The following ZFAND4 variants were observed in gnomAD, a reference collection of about 807,000 sequenced individuals.
The protein encoded by ZFAND4 is zinc finger AN1-type containing 4, also known as AN1-type zinc finger protein 4.
Under a neutral mutation model 64.4 loss-of-function variants are expected in ZFAND4, and 43 were observed. The observed-to-expected ratio is 0.67, with a 90% confidence interval of 0.52 to 0.86. The LOEUF is 0.86. ZFAND4 is among the 40% of genes least tolerant of loss of function. ZFAND4 has a pLI of 0.00. For missense variants in ZFAND4, 929 were observed against 859.8 expected (o/e 1.08, Z -1.01); for synonymous variants, 296 against 305.7 (o/e 0.97, Z 0.33).
intron 1 of ZFAND4, among the ~76,000 whole-genome samples, chr10:45,668,799 C>A (rs563834817): frequency 6.6e-6 from 1 of 152,322 alleles, no homozygotes; most frequent in South Asian, 2.1e-4. Flanking sequence ...TGAATGACTA[C>A]TGGGTAAATA....
intron 1 of ZFAND4, among the ~76,000 whole-genome samples, chr10:45,668,272 T>C (rs1272763851): frequency 2.0e-5 from 3 of 152,208 alleles, no homozygotes; most frequent in South Asian, 4.1e-4. Flanking sequence ...ATATTGGCCT[T>C]AGCCAAACTA....
intron 5 of ZFAND4, among the ~76,000 whole-genome samples, chr10:45,645,551 GTGGACTTCATAATGTTTCATAA>G: frequency 6.6e-6 from 1 of 152,176 alleles, no homozygotes; most frequent in East Asian, 1.9e-4. Flanking sequence ...AATTTTTACT[GTGGACTTCATAATGTTTCATAA>G]TGAATTTAAC....
At chr10:45,617,020 G>A (rs1437032081) in intron 9 of ZFAND4, among the ~76,000 whole-genome samples, 2 of 151,710 alleles carry the variant, frequency 1.3e-5, no homozygotes, top group African/African-American at 2.4e-5. Flanking sequence ...GGAGGTTGCA[G>A]TGAGCCAAGA....
At chr10:45,669,555 A>AT (rs1280720009) in intron 1 of ZFAND4, among the ~76,000 whole-genome samples, 2 of 152,238 alleles carry the variant, frequency 1.3e-5, no homozygotes, top group Admixed American at 1.3e-4. Context: ...CCTGATACCA[A>AT]AGCCTGGCAG....
At chr10:45,645,574 T>C (rs2047324205) in intron 5 of ZFAND4, among the ~76,000 whole-genome samples, 1 of 152,224 alleles carries the variant, frequency 6.6e-6, no homozygotes, top group African/African-American at 2.4e-5. Context: ...TGTTTCATAA[T>C]GAATTTAACC....
chr10:45,644,449 C>A (rs969231277), intron 5 of ZFAND4, among the ~76,000 whole-genome samples: 2 of 152,130 alleles, frequency 1.3e-5, no homozygotes, highest in Non-Finnish European at 2.9e-5. Context: ...TAGAATATCT[C>A]ATCACAGCAG....
At chr10:45,635,220 A>AAAAAAAAAAAAAAAAAAAAAAAAAC (rs2046504798) in intron 6 of ZFAND4, among the ~76,000 whole-genome samples, 1 of 138,744 alleles carries the variant, frequency 7.2e-6, no homozygotes, top group Non-Finnish European at 1.6e-5. Context: ...AAAACAAAAA[A>AAAAAAAAAAAAAAAAAAAAAAAAAC]AAAACAAACA....
At chr10:45,655,121 A>T (rs1589402200) in intron 2 of ZFAND4, among the ~76,000 whole-genome samples, 1 of 152,164 alleles carries the variant, frequency 6.6e-6, no homozygotes, top group Non-Finnish European at 1.5e-5. Flanking sequence ...AGTCTCAAAA[A>T]TTTTTAAAAA....
chr10:45,651,752 T>C (rs1255719999), intron 4 of ZFAND4: 5 of 612,704 alleles, frequency 8.2e-6, no homozygotes, highest in Non-Finnish European at 1.5e-5. Flanking sequence ...CCTCTCTGAA[T>C]TGGATCAGGA....
At chr10:45,670,933 A>T (rs544549275) in intron 1 of ZFAND4, among the ~76,000 whole-genome samples, 3 of 152,320 alleles carry the variant, frequency 2.0e-5, no homozygotes, top group South Asian at 4.1e-4. Flanking sequence ...CAATCTACCC[A>T]TCTGACAGAG....
Position 45,619,163 on chromosome 10 carries a change from C to T in ZFAND4, c.1928-903G>A, listed in dbSNP as rs148690182. 3.8e-3 allele frequency among the ~76,000 whole-genome samples: 571 copies of T among 151,928 alleles called. 13 individuals carry two copies. In the East Asian group the frequency reaches 0.051, roughly 14 times the overall value. On this transcript the variant is annotated intron_variant, in intron 8 of 9. Coordinates refer to ENST00000344646, the MANE Select transcript of ZFAND4 (RefSeq NM_174890.4). ...AAGTGGTTCTTCTGCCTCAGCCTCC[C>T]GAGTAGCTGGGACTATGGGCACGCA...
At chr10:45,658,527 T>C (rs1216019506) in intron 2 of ZFAND4, among the ~76,000 whole-genome samples, 2 of 152,208 alleles carry the variant, frequency 1.3e-5, no homozygotes, top group Non-Finnish European at 2.9e-5. Context: ...GTAAATTATA[T>C]CTTCCTAAAA....
In ZFAND4 at chr10:45,644,679, G is replaced by C. The variant is rs576801475; in HGVS notation, c.569+3615C>G. On this transcript the variant is annotated intron_variant, in intron 5 of 9. Coordinates refer to ENST00000344646, the MANE Select transcript of ZFAND4 (RefSeq NM_174890.4). ...TCTCAAAAAGTTGATAGAATTGGAA[G>C]TAATGTCAACAGCTGATTTAAAAAG... 3.9e-5 allele frequency among the ~76,000 whole-genome samples: 6 copies of C among 152,286 alleles called. No homozygotes were observed. In the South Asian group the frequency reaches 1.2e-3, roughly 32 times the overall value.
At chr10:45,657,950 C>CA (rs1306894256) in intron 2 of ZFAND4, among the ~76,000 whole-genome samples, 1 of 152,132 alleles carries the variant, frequency 6.6e-6, no homozygotes, top group African/African-American at 2.4e-5. Context: ...GGATTGACCA[C>CA]AAAAGGTACA....
chr10:45,627,250 T>C, intron 6 of ZFAND4, 145 bp from the exon 7 acceptor site: 2 of 612,286 alleles, frequency 3.3e-6, no homozygotes, highest in South Asian at 3.8e-5. Flanking sequence ...GAATAAAATC[T>C]TAAGATTATG....
rs183672179 is a variant in ZFAND4, at chr10:45,657,588, T to C, written c.185-4529A>G. ...GCAATTCAGCAATTCCACTCTTAAGTATTTACCCAAGTGAAATAAAAACCT... is the reference window on the plus strand; with the variant it reads ...GCAATTCAGCAATTCCACTCTTAAGCATTTACCCAAGTGAAATAAAAACCT... On this transcript the variant is annotated intron_variant, in intron 2 of 9. Transcript: ENST00000344646. Among the ~76,000 whole-genome samples, 12 of 152,304 alleles carry C rather than the reference T, an allele frequency of 7.9e-5. 1 individual carries two copies. Among genetic ancestry groups the C allele is most frequent in the Admixed American group, 5.9e-4 (9 of 15,302 alleles).
chr10:45,663,916 T>TGGCCCATATCAATCTTCCAGAC (rs2048636411), intron 1 of ZFAND4, 74 bp from the exon 2 acceptor site: 1 of 468,344 alleles, frequency 2.1e-6, no homozygotes, highest in Admixed American at 4.3e-5. Context: ...CCGTTAACTG[T>TGGCCCATATCAATCTTCCAGAC]GGCCCATATC....
rs192428165 is a variant in ZFAND4, at chr10:45,630,989, G to T, written c.718-3884C>A. Reference sequence around the variant, plus strand: ...AAAAAAAAAAAAAGAAAGAAAGAAAGAAAAGACCACGACGATGTTCTAACT... The same window carrying T: ...AAAAAAAAAAAAAGAAAGAAAGAAATAAAAGACCACGACGATGTTCTAACT... On this transcript the variant is annotated intron_variant, in intron 6 of 9. Transcript: ENST00000344646. 2.0e-3 allele frequency among the ~76,000 whole-genome samples: 299 copies of T among 146,224 alleles called. 4 individuals are homozygous for T. Among genetic ancestry groups the T allele is most frequent in the Non-Finnish European group, 9.2e-4 (61 of 66,238 alleles).
intron 1 of ZFAND4, among the ~76,000 whole-genome samples, chr10:45,667,324 C>T (rs1018085257): frequency 6.6e-6 from 1 of 152,064 alleles, no homozygotes; most frequent in Non-Finnish European, 1.5e-5. Context: ...TGCAACTGTG[C>T]TGAACTGTTT....
Sources: gnomAD v4.1 joint callset for allele counts (sites outside exome capture counted in the v4.1 genomes callset) on GRCh38, gnomAD v4.1.1 for gene constraint, MANE v1.5 for transcripts, NCBI Gene and HGNC (gene_info 2026-07-23, HGNC 2026-07-21) for gene names.